The following CDYL variants were observed in gnomAD, a reference collection of about 807,000 sequenced individuals.
CDYL encodes the protein chromodomain Y like.
In CDYL, 8 loss-of-function variants were observed where a neutral mutation model predicts 47.3. That is an observed-to-expected ratio of 0.17 (90% CI 0.10 to 0.31). The LOEUF is 0.31. Ranked by LOEUF, CDYL falls within the 10% of genes least tolerant of loss-of-function variation. The pLI is 1.00. For missense variants in CDYL, 471 were observed against 701.4 expected (o/e 0.67, Z 3.71); for synonymous variants, 266 against 265.0 (o/e 1.00, Z -0.04).
At chr6:4,748,441 G>A (rs1757933594) in intron 3 of CDYL, among the ~76,000 whole-genome samples, 1 of 152,044 alleles carries the variant, frequency 6.6e-6, no homozygotes, top group Admixed American at 6.6e-5. Flanking sequence ...CTAACTGGTG[G>A]AGCTTGAGAA....
chr6:4,896,608 C>A (rs1018784312), intron 2 of CDYL, among the ~76,000 whole-genome samples: 5 of 152,166 alleles, frequency 3.3e-5, no homozygotes, highest in African/African-American at 1.2e-4. Flanking sequence ...CCAGAAAGCC[C>A]TCGTTCGCCC....
intron 1 of CDYL, among the ~76,000 whole-genome samples, chr6:4,797,792 A>G (rs957273322): frequency 1.3e-5 from 2 of 152,080 alleles, no homozygotes; most frequent in Non-Finnish European, 2.9e-5. Flanking sequence ...TTAATACCCC[A>G]TTTTGTGGAT....
intron 4 of CDYL, among the ~76,000 whole-genome samples, chr6:4,942,107 A>G (rs941621260): frequency 7.9e-5 from 12 of 152,238 alleles, no homozygotes; most frequent in Non-Finnish European, 1.5e-5. Flanking sequence ...CACTCTGATC[A>G]TTAAACCCCA....
At chr6:4,937,514 G>T in intron 3 of CDYL, 51 bp from the exon 4 acceptor site, 1 of 1,149,406 alleles carries the variant, frequency 8.7e-7, no homozygotes, top group Non-Finnish European at 1.2e-6. Flanking sequence ...AATGCTTTAA[G>T]ATTTTAAACC....
intron 6 of CDYL, among the ~76,000 whole-genome samples, chr6:4,953,369 G>A: frequency 6.6e-6 from 1 of 151,708 alleles, no homozygotes; most frequent in East Asian, 1.9e-4. Flanking sequence ...GGGCAACAAA[G>A]CAAGACCCTG....
chr6:4,889,415 G>A (rs1382344949), intron 1 of CDYL, among the ~76,000 whole-genome samples: 4 of 151,958 alleles, frequency 2.6e-5, no homozygotes, highest in Non-Finnish European at 5.9e-5. Context: ...AGTAGAGACG[G>A]GGTTTCACCA....
rs145094393 is a variant in CDYL, at chr6:4,782,512, GT to G, written c.24+5708del. On this transcript the variant is annotated intron_variant, in intron 1 of 6. Coordinates refer to ENST00000397588, the MANE Select transcript of CDYL (RefSeq NM_004824.4). ...CAACTCTAGAATGGAGAATTTCACT[GT>G]TTCCCACACAAACTTAATTCTCTTC... Among the ~76,000 whole-genome samples the G allele has an allele frequency of 8.0e-3, 1,217 of 152,230 alleles. 23 individuals carry two copies. Among genetic ancestry groups the G allele is most frequent in the East Asian group, 0.044 (227 of 5,176 alleles).
chr6:4,915,819 T>A (rs79336076), intron 2 of CDYL, among the ~76,000 whole-genome samples: 5,141 of 152,334 alleles, frequency 0.034, 98 homozygotes, highest in Middle Eastern at 0.082. Context: ...TCAGCTCTGA[T>A]AAGAGACAGT....
chr6:4,952,893 G>A (rs1050755317), intron 6 of CDYL, among the ~76,000 whole-genome samples: 2 of 151,900 alleles, frequency 1.3e-5, no homozygotes, highest in Non-Finnish European at 2.9e-5. Context: ...TCAGCCTCCC[G>A]AGTAGCTGGG....
chr6:4,859,768 T>G (rs1252562445), intron 1 of CDYL, among the ~76,000 whole-genome samples: 2 of 152,192 alleles, frequency 1.3e-5, no homozygotes, highest in Admixed American at 1.3e-4. Flanking sequence ...CTCTCCTGGC[T>G]CCCTGTGCTG....
At chr6:4,763,963 T>A (rs924494726) in intron 3 of CDYL, among the ~76,000 whole-genome samples, 41 of 151,616 alleles carry the variant, frequency 2.7e-4, no homozygotes, top group East Asian at 1.9e-4. Context: ...AAAAGAAAAA[T>A]TTGTTGTAAA....
intron 1 of CDYL, among the ~76,000 whole-genome samples, chr6:4,842,235 AAT>A (rs1760523338): frequency 6.8e-6 from 1 of 146,206 alleles, no homozygotes; most frequent in African/African-American, 2.5e-5. Flanking sequence ...AAATAATACT[AAT>A]ATTAATATAA....
intron 1 of CDYL, among the ~76,000 whole-genome samples, chr6:4,839,419 T>C (rs1465080035): frequency 6.6e-6 from 1 of 152,274 alleles, no homozygotes; most frequent in Non-Finnish European, 1.5e-5. Context: ...AGCTTTTTAG[T>C]TGAATTAAGT....
intron 1 of CDYL, among the ~76,000 whole-genome samples, chr6:4,886,008 T>C (rs1323720825): frequency 1.3e-5 from 2 of 152,238 alleles, no homozygotes; most frequent in Non-Finnish European, 2.9e-5. Flanking sequence ...GCATCATGTA[T>C]GTGACTGACT....
At chr6:4,761,069 A>G (rs1758167958) in intron 3 of CDYL, among the ~76,000 whole-genome samples, 1 of 152,186 alleles carries the variant, frequency 6.6e-6, no homozygotes. Flanking sequence ...ACTCTCTTTT[A>G]TAGAAATGTT....
At chr6:4,793,961 A>G (rs1055454583) in intron 1 of CDYL, among the ~76,000 whole-genome samples, 8 of 152,044 alleles carry the variant, frequency 5.3e-5, no homozygotes, top group Non-Finnish European at 1.2e-4. Flanking sequence ...GTTGGATTTT[A>G]GATGTGTCGA....
chr6:4,794,963 T>G (rs919636062), intron 1 of CDYL, among the ~76,000 whole-genome samples: 1 of 151,744 alleles, frequency 6.6e-6, no homozygotes, highest in African/African-American at 2.4e-5. Flanking sequence ...TAGGGATAGT[T>G]TTTTTTTTCT....
At chr6:4,764,274 G>T (rs776054702) in intron 3 of CDYL, among the ~76,000 whole-genome samples, 10 of 152,070 alleles carry the variant, frequency 6.6e-5, no homozygotes, top group Admixed American at 1.3e-4. Flanking sequence ...AAATTTGGTT[G>T]TAGGTTTTTT....
intron 3 of CDYL, among the ~76,000 whole-genome samples, chr6:4,749,426 A>G (rs1453818589): frequency 5.9e-5 from 9 of 151,896 alleles, no homozygotes; most frequent in South Asian, 4.2e-4. Flanking sequence ...GGATGGATGG[A>G]TGAATGGATA....
Sources: gnomAD v4.1 joint callset for allele counts (sites outside exome capture counted in the v4.1 genomes callset) on GRCh38, gnomAD v4.1.1 for gene constraint, MANE v1.5 for transcripts, NCBI Gene and HGNC (gene_info 2026-07-23, HGNC 2026-07-21) for gene names.